Variants in CDK13 observed in about 807,000 individuals in gnomAD.
CDK13 encodes cyclin dependent kinase 13, also known as cyclin-dependent kinase 13.
CDK13 carries 40 observed loss-of-function variants against 137.6 expected under a neutral mutation model. That is an observed-to-expected ratio of 0.29 (90% CI 0.23 to 0.38). The LOEUF is 0.38. CDK13 is among the 10% of genes least tolerant of loss of function. The pLI is 1.00. For missense variants in CDK13, 1,704 were observed against 1,951.8 expected (o/e 0.87, Z 2.39); for synonymous variants, 869 against 760.1 (o/e 1.14, Z -2.36).
At chr7:40,029,461 C>G (rs895255331) in intron 5 of CDK13, among the ~76,000 whole-genome samples, 1 of 151,602 alleles carries the variant, frequency 6.6e-6, no homozygotes, top group Non-Finnish European at 1.5e-5. Context: ...GTGGCTCACC[C>G]CCGTAATCCC....
At chr7:40,066,584 A>G (rs542045492) in intron 9 of CDK13, 1 of 152,352 alleles carries the variant, frequency 6.6e-6, no homozygotes, top group African/African-American at 2.4e-5. Context: ...CAAAAACTTT[A>G]AGACATTGCT....
In CDK13 at chr7:39,997,488, T is replaced by A. The variant is rs1784589454; in HGVS notation, c.1872-6T>A. 6.3e-7 allele frequency: 1 copy of A among 1,588,754 alleles called. No individual in the cohort carries two copies. Among genetic ancestry groups the A allele is most frequent in the Non-Finnish European group, 8.5e-7 (1 of 1,174,122 alleles). On this transcript the variant is annotated splice_polypyrimidine_tract_variant and splice_region_variant and intron_variant, in intron 2 of 13. Transcript: ENST00000181839. ...GTTTTATTTGTCTGACTTCTTTCAC[T>A]TTCAGCTTACGAGGAAATATTTCAG...
At chr7:40,069,157 C>T (rs1227123984) in intron 9 of CDK13, among the ~76,000 whole-genome samples, 4 of 152,126 alleles carry the variant, frequency 2.6e-5, no homozygotes, top group African/African-American at 9.7e-5. Flanking sequence ...CACCCGAACC[C>T]AAGGGAGGTC....
chr7:40,020,359 CA>C (rs960689263), intron 5 of CDK13, among the ~76,000 whole-genome samples: 2 of 152,154 alleles, frequency 1.3e-5, no homozygotes, highest in African/African-American at 4.8e-5. Context: ...TGAGCCGCTG[CA>C]CCCGGCCCAA....
chr7:40,029,722 G>T (rs1448089768), intron 5 of CDK13, among the ~76,000 whole-genome samples: 1 of 151,242 alleles, frequency 6.6e-6, no homozygotes, highest in Non-Finnish European at 1.5e-5. Flanking sequence ...CTGTGATCTT[G>T]GCTCACCACA....
At position 40,078,909 on chromosome 7, in the gene CDK13, AAC is replaced by A. The variant is rs1374769707; in HGVS notation, c.3029+60_3029+61del. Reference sequence around the variant, plus strand: ...ATTATTATTATATTTATTATATTAAAACAGTTTTAATAACATATATAATAAGA... The same window carrying A: ...ATTATTATTATATTTATTATATTAAAAGTTTTAATAACATATATAATAAGA... On this transcript the variant is annotated intron_variant, in intron 11 of 13. Coordinates refer to ENST00000181839, the MANE Select transcript of CDK13 (RefSeq NM_003718.5). The A allele has an allele frequency of 3.2e-5, 21 of 648,674 alleles. No homozygotes were observed. In the Middle Eastern group the frequency reaches 2.2e-3, roughly 67 times the overall value. The allele number at this position is 648,674 out of a possible 1,614,324, so 40.2% of individuals were successfully genotyped here. A position where few individuals can be genotyped will look rare whatever the true frequency, so the allele number is the denominator to read the frequency against.
In CDK13 at chr7:40,056,210, G is replaced by C. The variant is rs997089552; in HGVS notation, c.2601-6616G>C. Among the ~76,000 whole-genome samples the C allele has an allele frequency of 6.6e-5, 10 of 152,290 alleles. No homozygotes were observed. The East Asian group carries it at 1.7e-3, about 26-fold the overall frequency. On this transcript the variant is annotated intron_variant, in intron 7 of 13. Coordinates refer to ENST00000181839, the MANE Select transcript of CDK13 (RefSeq NM_003718.5). ...CAATATTTGCTTCTTTTTCATTAGA[G>C]AGGTAGAAAGTGAGGCATGGTACCT... is the stretch of plus-strand genomic sequence containing the variant.
intron 2 of CDK13, among the ~76,000 whole-genome samples, chr7:39,991,725 C>T (rs570770216): frequency 2.0e-5 from 3 of 152,000 alleles, no homozygotes; most frequent in East Asian, 1.9e-4. Flanking sequence ...TCTAGATTAA[C>T]GAAGTGTTAA....
At chr7:39,987,284 T>C (rs950800981) in intron 1 of CDK13, 1 of 194,392 alleles carries the variant, frequency 5.1e-6, no homozygotes, top group Non-Finnish European at 1.0e-5. Flanking sequence ...ACCCTGCTGC[T>C]ACTACTACCA....
At chr7:39,992,861 T>A (rs141835666) in intron 2 of CDK13, among the ~76,000 whole-genome samples, 1 of 152,150 alleles carries the variant, frequency 6.6e-6, no homozygotes, top group Non-Finnish European at 1.5e-5. Flanking sequence ...CACAGTTTTT[T>A]AGCCAGAATA....
intron 5 of CDK13, among the ~76,000 whole-genome samples, chr7:40,017,784 T>C (rs952033708): frequency 2.0e-5 from 3 of 151,954 alleles, no homozygotes; most frequent in Admixed American, 2.0e-4. Context: ...TTAGGAAGGC[T>C]GAATCCTTGG....
chr7:40,013,635 A>G (rs1035566514), intron 5 of CDK13, among the ~76,000 whole-genome samples: 1 of 152,164 alleles, frequency 6.6e-6, no homozygotes, highest in Admixed American at 6.5e-5. Flanking sequence ...AATGACTGCT[A>G]ATGCGTGTGA....
chr7:40,022,650 CTTTT>C (rs11336630), intron 5 of CDK13, among the ~76,000 whole-genome samples: 1 of 141,200 alleles, frequency 7.1e-6, no homozygotes. Flanking sequence ...GAGGAAGTAT[CTTTT>C]TTTTTTTTTT....
rs1352192926 is a variant in CDK13 at position 40,095,499 on chromosome 7, C to T, written c.*519C>T. 4 of 151,964 alleles carry T rather than the reference C, an allele frequency of 2.6e-5. No homozygotes were observed. The highest frequency in any genetic ancestry group is 4.4e-5 in the Non-Finnish European group (3 of 67,972). 9.4% of individuals were successfully genotyped at this position (151,964 alleles called of 1,614,324 possible). A position where few individuals can be genotyped will look rare whatever the true frequency, so the allele number is the denominator to read the frequency against. On this transcript the variant is annotated 3_prime_UTR_variant, in exon 14 of 14. Coordinates refer to ENST00000181839, the MANE Select transcript of CDK13 (RefSeq NM_003718.5). Reference sequence around the variant, plus strand: ...TATTGTGAAAGGTGTACTTTGTGCTCATTTCAGAAAATAAAACACAACCTT... The same window carrying T: ...TATTGTGAAAGGTGTACTTTGTGCTTATTTCAGAAAATAAAACACAACCTT...
intron 5 of CDK13, among the ~76,000 whole-genome samples, chr7:40,042,902 C>T (rs964582995): frequency 5.9e-5 from 9 of 152,014 alleles, no homozygotes; most frequent in Non-Finnish European, 1.3e-4. Flanking sequence ...CTCAGCCCCC[C>T]AAGTAGCTAG....
chr7:39,987,493 A>C (rs898362040), intron 1 of CDK13, 106 bp from the exon 2 acceptor site: 3 of 943,164 alleles, frequency 3.2e-6, no homozygotes, highest in African/African-American at 1.7e-5. Flanking sequence ...CTTTGAAATT[A>C]AGTAAATTTC....
chr7:40,047,433 C>T (rs778574861), intron 6 of CDK13, among the ~76,000 whole-genome samples: 42 of 152,100 alleles, frequency 2.8e-4, no homozygotes, highest in African/African-American at 9.4e-4. Context: ...GATGTCACTT[C>T]GTTCTTGAGC....
intron 5 of CDK13, among the ~76,000 whole-genome samples, chr7:40,037,917 G>T (rs1222138731): frequency 6.6e-6 from 1 of 152,110 alleles, no homozygotes; most frequent in Admixed American, 6.5e-5. Context: ...ATACTCTATT[G>T]TAGACAGTTT....
chr7:40,061,675 C>G (rs2150526098), intron 7 of CDK13: 1 of 152,246 alleles, frequency 6.6e-6, no homozygotes, highest in South Asian at 2.1e-4. Flanking sequence ...TATAGCTGAT[C>G]TGAATATATA....
Sources: gnomAD v4.1 joint callset for allele counts (sites outside exome capture counted in the v4.1 genomes callset) on GRCh38, gnomAD v4.1.1 for gene constraint, MANE v1.5 for transcripts, NCBI Gene and HGNC (gene_info 2026-07-23, HGNC 2026-07-21) for gene names.